USP22: variants seen among roughly 807,000 people sequenced by gnomAD.
USP22 encodes the protein ubiquitin carboxyl-terminal hydrolase 22.
A neutral mutation model predicts 68.1 loss-of-function variants in USP22; 22 were observed. The observed-to-expected ratio is 0.32, with a 90% CI of 0.23 to 0.46. USP22 has a LOEUF of 0.46. Ranked by LOEUF, USP22 falls within the 20% of genes least tolerant of loss-of-function variation. USP22 has a pLI of 1.00. For missense variants in USP22, 433 were observed against 695.8 expected (o/e 0.62, Z 4.25); for synonymous variants, 279 against 274.2 (o/e 1.02, Z -0.17).
intron 1 of USP22, among the ~76,000 whole-genome samples, chr17:21,040,653 ATGATGGTTTAAACT>A (rs1972416234): frequency 1.3e-5 from 2 of 152,200 alleles, no homozygotes; most frequent in South Asian, 4.1e-4. Flanking sequence ...AAGTTAGTTA[ATGATGGTTTAAACT>A]TGACTCCTTC....
upstream of USP22, chr17:21,043,299 A>ACCCCCCCTCCCCGCCCCC (rs1567596606): frequency 8.7e-5 from 1 of 11,524 alleles, no homozygotes; most frequent in Non-Finnish European, 1.5e-4. Context: ...GTAGTAGGCC[A>ACCCCCCCTCCCCGCCCCC]CCCCCCCCCC....
rs148622027 is a variant in USP22, at chr17:21,022,627, G to A, written c.305-1401C>T. Among the ~76,000 whole-genome samples, 1,313 of 151,992 alleles carry A rather than the reference G, an allele frequency of 8.6e-3. 25 individuals carry two copies. The highest frequency in any genetic ancestry group is 0.029 in the African/African-American group (1,214 of 41,458). Reference sequence around the variant, plus strand: ...ATCCTGGCTAACATGGTGAAACCCCGTCTCTACTAAAAGTACAAAAAATTA... The same window carrying A: ...ATCCTGGCTAACATGGTGAAACCCCATCTCTACTAAAAGTACAAAAAATTA... On this transcript the variant is annotated intron_variant, in intron 2 of 12. Coordinates refer to ENST00000261497, the MANE Select transcript of USP22 (RefSeq NM_015276.2).
At chr17:21,043,134 C>CCCCCCCCCCCCCCCCCCA (rs1555531424), upstream of USP22, 3 of 72,150 alleles carry the variant, frequency 4.2e-5, no homozygotes, top group Admixed American at 1.1e-4. Flanking sequence ...CCCCCCCCCC[C>CCCCCCCCCCCCCCCCCCA]CCTCCCGGCC....
intron 8 of USP22, among the ~76,000 whole-genome samples, chr17:21,010,806 G>C (rs1033881451): frequency 6.6e-6 from 1 of 152,158 alleles, no homozygotes; most frequent in African/African-American, 2.4e-5. Context: ...GTGGACCATG[G>C]GGAGAGGCCC....
rs557653407 is a variant in USP22 at position 21,022,184 on chromosome 17, A to G, written c.305-958T>C. ...AAGAAGAGATACATATGTATGTATAAATTTCAATTTTCTAAAACAGTCACA... is the reference window on the plus strand; with the variant it reads ...AAGAAGAGATACATATGTATGTATAGATTTCAATTTTCTAAAACAGTCACA... On this transcript the variant is annotated intron_variant, in intron 2 of 12. Transcript: ENST00000261497. Among the ~76,000 whole-genome samples, 16 of 152,300 alleles carry G rather than the reference A, an allele frequency of 1.1e-4. No homozygotes were observed. In the East Asian group the frequency reaches 3.1e-3, roughly 29 times the overall value.
intron 1 of USP22, among the ~76,000 whole-genome samples, chr17:21,040,269 T>C (rs1597703632): frequency 6.6e-6 from 1 of 152,244 alleles, no homozygotes; most frequent in Non-Finnish European, 1.5e-5. Flanking sequence ...GTCCAACTGT[T>C]AATCATCAGG....
In USP22 at chr17:21,002,953, AGG is replaced by A; in HGVS notation, c.*76_*77del. On this transcript the variant is annotated 3_prime_UTR_variant, in exon 13 of 13. Coordinates refer to ENST00000261497, the MANE Select transcript of USP22 (RefSeq NM_015276.2). The stretch of plus-strand genomic sequence containing the variant: ...GGGGAGGCGGCGGGAGACTTGGGGG[AGG>A]GGGGGGCCAGGGAGGATCACTTTGT... 2 of 1,480,714 alleles carry A rather than the reference AGG, an allele frequency of 1.4e-6. No individual in the cohort carries two copies. The highest frequency in any genetic ancestry group is 1.8e-6 in the Non-Finnish European group (2 of 1,083,868). 91.7% of individuals were successfully genotyped at this position (1,480,714 alleles called of 1,614,324 possible).
intron 3 of USP22, among the ~76,000 whole-genome samples, chr17:21,020,008 C>G (rs2057591952): frequency 6.6e-6 from 1 of 152,198 alleles, no homozygotes; most frequent in South Asian, 2.1e-4. Context: ...TAATTCTGCT[C>G]ACTGAAAGAG....
chr17:21,008,089 G>A, intron 8 of USP22, 93 bp from the exon 9 acceptor site: 3 of 1,428,580 alleles, frequency 2.1e-6, no homozygotes, highest in Non-Finnish European at 2.8e-6. Context: ...TCATTGGGTT[G>A]ATTTCCCTAC....
At chr17:21,025,585 G>C (rs888457220) in intron 2 of USP22, among the ~76,000 whole-genome samples, 5 of 152,156 alleles carry the variant, frequency 3.3e-5, no homozygotes, top group Admixed American at 6.5e-5. Context: ...CCAAGACGAT[G>C]GGAACAACCC....
intron 5 of USP22, 110 bp downstream of exon 5, chr17:21,017,832 C>T (rs1972107311): frequency 1.5e-6 from 2 of 1,354,388 alleles, no homozygotes; most frequent in Admixed American, 2.3e-5. Context: ...TAACTTACTA[C>T]AAAAGGTTCT....
chr17:21,024,464 G>GT (rs1342989406), intron 2 of USP22, among the ~76,000 whole-genome samples: 3 of 152,148 alleles, frequency 2.0e-5, no homozygotes, highest in Non-Finnish European at 4.4e-5. Flanking sequence ...GGGTATCTCT[G>GT]TAACAAATGC....
intron 4 of USP22, 23 bp from the exon 5 acceptor site, chr17:21,018,134 C>A: frequency 1.3e-6 from 2 of 1,547,756 alleles, no homozygotes; most frequent in South Asian, 2.5e-5. Context: ...CACCAGAGAG[C>A]AGGAGTTACC....
chr17:21,010,899 C>T (rs932602719), intron 8 of USP22, among the ~76,000 whole-genome samples: 3 of 152,146 alleles, frequency 2.0e-5, no homozygotes, highest in East Asian at 3.9e-4. Flanking sequence ...GGTTCATTTA[C>T]ATGCGGAGGT....
intron 1 of USP22, among the ~76,000 whole-genome samples, chr17:21,039,173 G>A (rs964982826): frequency 2.6e-5 from 4 of 151,714 alleles, no homozygotes; most frequent in Non-Finnish European, 5.9e-5. Flanking sequence ...GGATGGTCTC[G>A]ATCTCCTGAC....
At chr17:21,019,576 C>G (rs1325212540) in intron 3 of USP22, among the ~76,000 whole-genome samples, 1 of 152,252 alleles carries the variant, frequency 6.6e-6, no homozygotes, top group African/African-American at 2.4e-5. Context: ...AGAGCTTGCA[C>G]TTTTCAGCAA....
intron 2 of USP22, among the ~76,000 whole-genome samples, chr17:21,024,190 T>A (rs988353495): frequency 1.3e-5 from 2 of 152,174 alleles, no homozygotes; most frequent in African/African-American, 4.8e-5. Flanking sequence ...CCCCAGCACA[T>A]GGACGTCACA....
At chr17:21,029,100 G>C (rs538198129) in intron 1 of USP22, among the ~76,000 whole-genome samples, 1 of 152,284 alleles carries the variant, frequency 6.6e-6, no homozygotes, top group East Asian at 1.9e-4. Flanking sequence ...ACAAGAAAAA[G>C]GGAGGGAGAC....
At chr17:21,026,803 A>ATTTT (rs576927345) in intron 2 of USP22, among the ~76,000 whole-genome samples, 2 of 142,660 alleles carry the variant, frequency 1.4e-5, no homozygotes, top group Non-Finnish European at 1.5e-5. Context: ...TGTCTCCACA[A>ATTTT]TTTTTTTTTT....
Sources: gnomAD v4.1 joint callset for allele counts (sites outside exome capture counted in the v4.1 genomes callset) on GRCh38, gnomAD v4.1.1 for gene constraint, MANE v1.5 for transcripts, NCBI Gene and HGNC (gene_info 2026-07-23, HGNC 2026-07-21) for gene names.